PIK3R1: variants seen among roughly 807,000 people sequenced by gnomAD.
The protein encoded by PIK3R1 is phosphatidylinositol 3-kinase regulatory subunit alpha.
A neutral mutation model predicts 98.0 loss-of-function variants in PIK3R1; 29 were observed. That is an observed-to-expected ratio of 0.30 (90% CI 0.22 to 0.40). The LOEUF is 0.40. Ranked by LOEUF, PIK3R1 falls within the 10% of genes least tolerant of loss-of-function variation. The pLI, the probability that PIK3R1 is intolerant of heterozygous loss-of-function variation, is 1.00. For missense variants in PIK3R1, 596 were observed against 872.7 expected (o/e 0.68, Z 3.99); for synonymous variants, 282 against 311.8 (o/e 0.90, Z 1.01).
intron 1 of PIK3R1, among the ~76,000 whole-genome samples, chr5:68,225,729 A>G (rs887710752): frequency 2.6e-5 from 4 of 152,164 alleles, no homozygotes; most frequent in South Asian, 2.1e-4. Context: ...CGTGTTCCAC[A>G]CTGTGGGCTG....
chr5:68,232,587 T>A (rs1017476029), intron 2 of PIK3R1, among the ~76,000 whole-genome samples: 12 of 152,210 alleles, frequency 7.9e-5, no homozygotes, highest in Non-Finnish European at 1.5e-4. Flanking sequence ...GCGGTGACAG[T>A]TAAGTCCAGG....
intron 2 of PIK3R1, among the ~76,000 whole-genome samples, chr5:68,245,508 G>A (rs1444826588): frequency 6.6e-6 from 1 of 152,122 alleles, no homozygotes; most frequent in African/African-American, 2.4e-5. Flanking sequence ...TCAGAGTTCT[G>A]AACAATGCCC....
At chr5:68,216,796 C>T (rs1743901013) in intron 1 of PIK3R1, among the ~76,000 whole-genome samples, 2 of 55,518 alleles carry the variant, frequency 3.6e-5, no homozygotes, top group African/African-American at 2.6e-4. Flanking sequence ...CAGAAACTGC[C>T]CCTCAGATCA....
chr5:68,294,473 G>A, intron 11 of PIK3R1, 63 bp from the exon 12 acceptor site: 3 of 1,262,874 alleles, frequency 2.4e-6, no homozygotes, highest in Non-Finnish European at 3.3e-6. Context: ...TCCTGGTAGT[G>A]TCTTGCAGTA....
intron 2 of PIK3R1, among the ~76,000 whole-genome samples, chr5:68,257,727 C>T (rs560392497): frequency 4.6e-5 from 7 of 152,226 alleles, no homozygotes; most frequent in Admixed American, 2.0e-4. Context: ...CTGTCCTCTC[C>T]TCATTGCCTT....
In PIK3R1 at chr5:68,227,131, T is replaced by G; in HGVS notation, c.334+122T>G. 3 of 772,674 alleles carry G rather than the reference T, an allele frequency of 3.9e-6. No individual in the cohort carries two copies. In the South Asian group the frequency reaches 5.7e-5, roughly 15 times the overall value. The allele number at this position is 772,674 out of a possible 1,614,324, so 47.9% of individuals were successfully genotyped here. ...GTTACCTTGGCAACTGCACCTGAAT[T>G]GATGTGTGGTGCATAAAAGCTTGGT... On this transcript the variant is annotated intron_variant, in intron 2 of 15. Coordinates refer to ENST00000521381, the MANE Select transcript of PIK3R1 (RefSeq NM_181523.3).
chr5:68,235,444 A>ATAAT (rs1554045610), intron 2 of PIK3R1, among the ~76,000 whole-genome samples: 7 of 139,802 alleles, frequency 5.0e-5, no homozygotes, highest in African/African-American at 1.8e-4. Context: ...AAATAAATAA[A>ATAAT]TAATTTTCAA....
rs1747843948 is a variant in PIK3R1, at chr5:68,298,324, A to G, written c.*723A>G. ...ATATAAAATATGTACATAATATTGG[A>G]TGACTAACTATCAAATAGATGGATT... On this transcript the variant is annotated 3_prime_UTR_variant, in exon 16 of 16. Coordinates refer to ENST00000521381, the MANE Select transcript of PIK3R1 (RefSeq NM_181523.3). 1 of 233,194 alleles carries G rather than the reference A, an allele frequency of 4.3e-6. No homozygotes were observed. Among genetic ancestry groups the G allele is most frequent in the South Asian group, 1.8e-4 (1 of 5,530 alleles). 14.4% of individuals were successfully genotyped at this position (233,194 alleles called of 1,614,324 possible). A position where few individuals can be genotyped will look rare whatever the true frequency, so the allele number is the denominator to read the frequency against.
At position 68,298,369 on chromosome 5, in the gene PIK3R1, TTC is replaced by T. The variant is rs1018045194; in HGVS notation, c.*770_*771del. 3 of 233,208 alleles carry T rather than the reference TTC, an allele frequency of 1.3e-5. No individual in the cohort carries two copies. The highest frequency in any genetic ancestry group is 5.6e-5 in the Admixed American group (1 of 17,776). The allele number at this position is 233,208 out of a possible 1,614,324, so 14.4% of individuals were successfully genotyped here. ...TGGATTTGTATCAATACCAAATAGC[TTC>T]TGTTTTGTTTTGCTGAAGGCTAAAT... On this transcript the variant is annotated 3_prime_UTR_variant, in exon 16 of 16. Coordinates refer to ENST00000521381, the MANE Select transcript of PIK3R1 (RefSeq NM_181523.3).
At chr5:68,258,757 A>G (rs1745623612) in intron 2 of PIK3R1, among the ~76,000 whole-genome samples, 1 of 152,104 alleles carries the variant, frequency 6.6e-6, no homozygotes, top group Non-Finnish European at 1.5e-5. Flanking sequence ...TAATCACACC[A>G]TTTCTGAAGC....
chr5:68,261,085 T>G (rs575745549), intron 2 of PIK3R1, among the ~76,000 whole-genome samples: 1 of 152,350 alleles, frequency 6.6e-6, no homozygotes, highest in African/African-American at 2.4e-5. Context: ...TAATTTTCGC[T>G]TGGTGCCAAC....
At chr5:68,253,974 G>A (rs926490488) in intron 2 of PIK3R1, among the ~76,000 whole-genome samples, 3 of 137,506 alleles carry the variant, frequency 2.2e-5, no homozygotes, top group South Asian at 2.4e-4. Context: ...TTATTTTCCC[G>A]TGGACCCCCT....
In PIK3R1 at chr5:68,297,752, G is replaced by A; in HGVS notation, c.*151G>A. 1 of 635,258 alleles carries A rather than the reference G, an allele frequency of 1.6e-6. No homozygotes were observed. The highest frequency in any genetic ancestry group is 2.1e-5 in the South Asian group (1 of 48,748). The allele number at this position is 635,258 out of a possible 1,614,324, so 39.4% of individuals were successfully genotyped here. On this transcript the variant is annotated 3_prime_UTR_variant, in exon 16 of 16. Transcript: ENST00000521381. ...GACTAGAGCTTTCTTTCACAAAAAAGAAGTAGGGGAAGACATGCAGCCTAA... is the reference window on the plus strand; with the variant it reads ...GACTAGAGCTTTCTTTCACAAAAAAAAAGTAGGGGAAGACATGCAGCCTAA...
chr5:68,275,553 G>A (rs1746536959), intron 4 of PIK3R1, among the ~76,000 whole-genome samples: 1 of 151,690 alleles, frequency 6.6e-6, no homozygotes, highest in Admixed American at 6.6e-5. Flanking sequence ...CACCACTCGT[G>A]AGATAGAGTC....
intron 2 of PIK3R1, among the ~76,000 whole-genome samples, chr5:68,243,414 T>C (rs952767915): frequency 6.6e-6 from 1 of 152,248 alleles, no homozygotes; most frequent in Middle Eastern, 3.2e-3. Context: ...TGAGAGGATT[T>C]TCCTCAGAGA....
At chr5:68,270,590 T>C (rs1399145429) in intron 2 of PIK3R1, among the ~76,000 whole-genome samples, 1 of 152,154 alleles carries the variant, frequency 6.6e-6, no homozygotes, top group East Asian at 1.9e-4. Context: ...ATTGGCATGT[T>C]GGTTGCATGA....
intron 1 of PIK3R1, among the ~76,000 whole-genome samples, chr5:68,225,607 C>G (rs1744243946): frequency 6.6e-6 from 1 of 152,208 alleles, no homozygotes; most frequent in Non-Finnish European, 1.5e-5. Flanking sequence ...TTTGTGTCCT[C>G]ACTACCTCTT....
chr5:68,268,699 C>A (rs1229967566), intron 2 of PIK3R1, among the ~76,000 whole-genome samples: 1 of 152,240 alleles, frequency 6.6e-6, no homozygotes, highest in Admixed American at 6.5e-5. Flanking sequence ...TGGGCAGCCT[C>A]TGGAGTCCCA....
intron 14 of PIK3R1, chr5:68,295,846 A>G (rs1747683007): frequency 2.2e-6 from 1 of 451,100 alleles, no homozygotes; most frequent in Non-Finnish European, 4.0e-6. Flanking sequence ...AAAAACTGGC[A>G]ATCTGCCTAG....
Sources: gnomAD v4.1 joint callset for allele counts (sites outside exome capture counted in the v4.1 genomes callset) on GRCh38, gnomAD v4.1.1 for gene constraint, MANE v1.5 for transcripts, NCBI Gene and HGNC (gene_info 2026-07-23, HGNC 2026-07-21) for gene names.